KCNN3: variants seen among roughly 807,000 people sequenced by gnomAD.
The protein encoded by KCNN3 is small conductance calcium-activated potassium channel protein 3.
A neutral mutation model predicts 62.9 loss-of-function variants in KCNN3; 16 were observed. That is an observed-to-expected ratio of 0.25 (90% CI 0.17 to 0.39). The LOEUF is 0.39. Among genes scored for constraint, KCNN3 ranks in the 10% least tolerant of loss-of-function variants. The pLI is 1.00. For missense variants in KCNN3, 599 were observed against 949.4 expected (o/e 0.63, Z 4.85); for synonymous variants, 370 against 389.2 (o/e 0.95, Z 0.58).
At chr1:154,797,083 C>T (rs1649765558) in intron 2 of KCNN3, among the ~76,000 whole-genome samples, 1 of 152,142 alleles carries the variant, frequency 6.6e-6, no homozygotes, top group Non-Finnish European at 1.5e-5. Context: ...AAGCCAGTCT[C>T]CGAAGGAGAG....
intron 1 of KCNN3, among the ~76,000 whole-genome samples, chr1:154,838,159 G>A (rs762548992): frequency 6.6e-6 from 1 of 152,110 alleles, no homozygotes; most frequent in Non-Finnish European, 1.5e-5. Flanking sequence ...ACAGGAAGGC[G>A]GCCACGGGTG....
chr1:154,714,612 G>GTGTGTGTGTGTGTGTGT lies in KCNN3; in HGVS notation c.1829+263_1829+264insACACACACACACACACA, dbSNP rs1553227050. ...ATGGTGTGTGTGATGTGTGGTGTGTGGTGTGTGTGTGTGTGTGTGTGTGTG... is the reference window on the plus strand; with the variant it reads ...ATGGTGTGTGTGATGTGTGGTGTGTGTGTGTGTGTGTGTGTGTGTGTGTGTGTGTGTGTGTGTGTGTG... On this transcript the variant is annotated intron_variant, in intron 6 of 7. Transcript: ENST00000271915. Among the ~76,000 whole-genome samples the GTGTGTGTGTGTGTGTGT allele has an allele frequency of 4.8e-4, 12 of 24,856 alleles. 1 individual carries two copies. The highest frequency in any genetic ancestry group is 8.1e-4 in the Non-Finnish European group (8 of 9,858). The allele number at this position is 24,856 out of a possible 152,430, so 16.3% of individuals were successfully genotyped here. A position where few individuals can be genotyped will look rare whatever the true frequency, so the allele number is the denominator to read the frequency against.
intron 1 of KCNN3, among the ~76,000 whole-genome samples, chr1:154,830,929 C>T (rs921423357): frequency 3.3e-5 from 5 of 152,170 alleles, no homozygotes; most frequent in African/African-American, 9.7e-5. Flanking sequence ...AAACATAATT[C>T]CAATTAAGGA....
At position 154,703,843 on chromosome 1, in the gene KCNN3, CAA is replaced by C. The variant is rs1228198963; in HGVS notation, c.*4131_*4132del. ...AGTCAGTCTGGGCTGCTGTTGATGA[CAA>C]AGGTGATTTCATTTGTTCTCTATTG... is the stretch of plus-strand genomic sequence containing the variant. On this transcript the variant is annotated 3_prime_UTR_variant, in exon 8 of 8. Coordinates refer to ENST00000271915, the MANE Select transcript of KCNN3 (RefSeq NM_002249.6). 1 of 152,176 alleles carries C rather than the reference CAA, an allele frequency of 6.6e-6. No homozygotes were observed. The highest frequency in any genetic ancestry group is 1.5e-5 in the Non-Finnish European group (1 of 68,032). 9.4% of individuals were successfully genotyped at this position (152,176 alleles called of 1,614,324 possible).
chr1:154,870,071 A>G lies in KCNN3; in HGVS notation c.-107T>C, dbSNP rs2101943369. On this transcript the variant is annotated 5_prime_UTR_variant, in exon 1 of 8. Coordinates refer to ENST00000271915, the MANE Select transcript of KCNN3 (RefSeq NM_002249.6). Reference sequence around the variant, plus strand: ...CAGGCATCCAATCTCCCCCACCAGTATCTTGGCTCCAGTCCTCTCTTTGGC... The same window carrying G: ...CAGGCATCCAATCTCCCCCACCAGTGTCTTGGCTCCAGTCCTCTCTTTGGC... 7.6e-7 allele frequency: 1 copy of G among 1,307,670 alleles called. No individual in the cohort carries two copies. The highest frequency in any genetic ancestry group is 1.1e-6 in the Non-Finnish European group (1 of 925,350). 81.0% of individuals were successfully genotyped at this position (1,307,670 alleles called of 1,614,324 possible).
chr1:154,705,285 AC>A lies in KCNN3; in HGVS notation c.*2690del, dbSNP rs1326650596. 1.3e-5 allele frequency: 2 copies of A among 152,256 alleles called. No homozygotes were observed. The highest frequency in any genetic ancestry group is 4.8e-5 in the African/African-American group (2 of 41,466). The allele number at this position is 152,256 out of a possible 1,614,324, so 9.4% of individuals were successfully genotyped here. On this transcript the variant is annotated 3_prime_UTR_variant, in exon 8 of 8. Coordinates refer to ENST00000271915, the MANE Select transcript of KCNN3 (RefSeq NM_002249.6). ...ACTTAAGTCATCAAGGGTTGATTGTACTTGCAGGAGAACGGGTAACTTTCCC... is the reference window on the plus strand; with the variant it reads ...ACTTAAGTCATCAAGGGTTGATTGTATTGCAGGAGAACGGGTAACTTTCCC...
At chr1:154,859,302 G>A (rs1253156887) in intron 1 of KCNN3, among the ~76,000 whole-genome samples, 2 of 152,252 alleles carry the variant, frequency 1.3e-5, no homozygotes, top group African/African-American at 4.8e-5. Flanking sequence ...CGCTGCTAGT[G>A]GAAGCTTGCG....
In KCNN3 at chr1:154,809,236, G is replaced by A. The variant is rs1650303228; in HGVS notation, c.1029+12853C>T. 6.6e-6 allele frequency among the ~76,000 whole-genome samples: 1 copy of A among 152,176 alleles called. No individual in the cohort carries two copies. Among genetic ancestry groups the A allele is most frequent in the African/African-American group, 2.4e-5 (1 of 41,426 alleles). On this transcript the variant is annotated intron_variant, in intron 2 of 7. Coordinates refer to ENST00000271915, the MANE Select transcript of KCNN3 (RefSeq NM_002249.6). The surrounding 1 kb of genome is among the most constrained non-coding windows in gnomAD (Gnocchi z 4.3). The stretch of plus-strand genomic sequence containing the variant: ...CTCAACACTCAGCCCCAGCAGCCAA[G>A]CCCCAGCACCAGCAGCCACGCTTTC...
In KCNN3 at chr1:154,706,743, A is replaced by C. The variant is rs1239444800; in HGVS notation, c.*1233T>G. On this transcript the variant is annotated 3_prime_UTR_variant, in exon 8 of 8. Coordinates refer to ENST00000271915, the MANE Select transcript of KCNN3 (RefSeq NM_002249.6). ...GGGACCACATAGGCCACTCTTCATCACTTCTCCTCCTAGCTCAGAGGCTCA... is the reference window on the plus strand; with the variant it reads ...GGGACCACATAGGCCACTCTTCATCCCTTCTCCTCCTAGCTCAGAGGCTCA... 6.6e-6 allele frequency: 1 copy of C among 152,112 alleles called. No homozygotes were observed. The highest frequency in any genetic ancestry group is 2.4e-5 in the African/African-American group (1 of 41,402). The allele number at this position is 152,112 out of a possible 1,614,324, so 9.4% of individuals were successfully genotyped here.
chr1:154,869,723 GGCTGCTGCTGCTGCTGCTGCT>G lies in KCNN3; in HGVS notation c.221_241del (p.Gln74_Gln80del), dbSNP rs3831942. On this transcript the variant is annotated inframe_deletion, in exon 1 of 8. Coordinates refer to ENST00000271915, the MANE Select transcript of KCNN3 (RefSeq NM_002249.6). This position sits in a 1 kb window ranked among gnomAD's most constrained non-coding sequence, Gnocchi z 6.1. Reference sequence around the variant, plus strand: ...GGCGAGCTGAGACAGGGGATGCGGTGGCTGCTGCTGCTGCTGCTGCTGCTGCTGCTGCTGCTGCTGCTGAAG... The same window carrying G: ...GGCGAGCTGAGACAGGGGATGCGGTGGCTGCTGCTGCTGCTGCTGCTGAAG... 95 of 1,506,520 alleles carry G rather than the reference GGCTGCTGCTGCTGCTGCTGCT, an allele frequency of 6.3e-5. No individual in the cohort carries two copies. The highest frequency in any genetic ancestry group is 2.7e-4 in the East Asian group (11 of 40,182). 93.3% of individuals were successfully genotyped at this position (1,506,520 alleles called of 1,614,324 possible).
At position 154,712,510 on chromosome 1, in the gene KCNN3, C is replaced by T. The variant is rs575742518; in HGVS notation, c.1899+954G>A. Reference sequence around the variant, plus strand: ...TCAATCCCTTTATTAAACAAGGCACCTGCACGTGGCCCGACAACTAGTGAT... The same window carrying T: ...TCAATCCCTTTATTAAACAAGGCACTTGCACGTGGCCCGACAACTAGTGAT... On this transcript the variant is annotated intron_variant, in intron 7 of 7. Coordinates refer to ENST00000271915, the MANE Select transcript of KCNN3 (RefSeq NM_002249.6). Among the ~76,000 whole-genome samples, 13 of 152,268 alleles carry T rather than the reference C, an allele frequency of 8.5e-5. No homozygotes were observed. The East Asian group carries it at 2.5e-3, about 29-fold the overall frequency.
chr1:154,825,615 G>A (rs371890247), intron 1 of KCNN3, among the ~76,000 whole-genome samples: 6 of 151,420 alleles, frequency 4.0e-5, no homozygotes, highest in East Asian at 2.0e-4. Flanking sequence ...TGATCCACCC[G>A]CCTCGGCCTC....
chr1:154,721,301 CTT>C (rs34172435), intron 5 of KCNN3, among the ~76,000 whole-genome samples: 139 of 117,928 alleles, frequency 1.2e-3, no homozygotes, highest in Non-Finnish European at 9.9e-4. Flanking sequence ...TTTTTCTTTC[CTT>C]TTTTTTTTTT....
rs566756002 is a variant in KCNN3, at chr1:154,735,159, A to G, written c.1449-2015T>C. ...ATGGTCGGCGGGTGGCGAGCAGGGT[A>G]TCTGAAGAGACAGGACACAGAGGTG... On this transcript the variant is annotated intron_variant, in intron 3 of 7. Transcript: ENST00000271915. Among the ~76,000 whole-genome samples the G allele has an allele frequency of 6.6e-5, 10 of 152,338 alleles. No individual in the cohort carries two copies. In the South Asian group the frequency reaches 1.9e-3, roughly 28 times the overall value.
At chr1:154,778,793 G>C (rs1234276527) in intron 2 of KCNN3, among the ~76,000 whole-genome samples, 1 of 151,690 alleles carries the variant, frequency 6.6e-6, no homozygotes. Flanking sequence ...GTAGAGATGG[G>C]GTTTCACCAT....
intron 2 of KCNN3, among the ~76,000 whole-genome samples, chr1:154,813,655 C>T (rs148626915): frequency 1.5e-4 from 23 of 152,290 alleles, no homozygotes; most frequent in Admixed American, 5.2e-4. Context: ...CCCCAGCTGA[C>T]GGGGAGGTCA....
chr1:154,846,793 C>A (rs1032475477), intron 1 of KCNN3, among the ~76,000 whole-genome samples: 6 of 152,198 alleles, frequency 3.9e-5, no homozygotes, highest in African/African-American at 1.4e-4. Context: ...GGGGACTGCC[C>A]TCTAGGGATT....
At chr1:154,791,027 G>A (rs778795026) in intron 2 of KCNN3, among the ~76,000 whole-genome samples, 22 of 152,082 alleles carry the variant, frequency 1.4e-4, no homozygotes, top group Admixed American at 3.9e-4. Context: ...TCAGGAGTTC[G>A]AGACCAGCCT....
chr1:154,768,291 T>C (rs1417053601), intron 3 of KCNN3, among the ~76,000 whole-genome samples: 1 of 152,264 alleles, frequency 6.6e-6, no homozygotes, highest in Non-Finnish European at 1.5e-5. Flanking sequence ...CTGCCAATCT[T>C]ACTTATTATT....
Sources: gnomAD v4.1 joint callset for allele counts (sites outside exome capture counted in the v4.1 genomes callset) on GRCh38, gnomAD v4.1.1 for gene constraint, Gnocchi (gnomAD v3.1) non-coding constraint, MANE v1.5 for transcripts, NCBI Gene and HGNC (gene_info 2026-07-23, HGNC 2026-07-21) for gene names.